Variants in STMND1 observed in about 807,000 individuals in gnomAD.
The protein encoded by STMND1 is stathmin domain containing 1.
A neutral mutation model predicts 23.0 loss-of-function variants in STMND1; 17 were observed. The observed-to-expected ratio is 0.74, with a 90% CI of 0.51 to 1.11. STMND1 has a LOEUF of 1.11. Among genes scored for constraint, STMND1 ranks in the 50% least tolerant of loss-of-function variants. STMND1 has a pLI of 0.00. For synonymous variants in STMND1, 114 were observed against 119.9 expected, an observed-to-expected ratio of 0.95 and a Z score of 0.32; for missense variants, 305 against 329.1, an observed-to-expected ratio of 0.93 and a Z score of 0.57.
At chr6:17,129,080 G>T (rs761371060) in intron 3 of STMND1, 32 bp from the exon 4 acceptor site, 2 of 1,530,836 alleles carry the variant, frequency 1.3e-6, no homozygotes, top group Non-Finnish European at 1.7e-6. Flanking sequence ...GAATATGATT[G>T]TTTCTTCATG....
At chr6:17,107,505 T>C (rs1261301987) in intron 1 of STMND1, among the ~76,000 whole-genome samples, 4 of 152,156 alleles carry the variant, frequency 2.6e-5, no homozygotes, top group Non-Finnish European at 5.9e-5. Flanking sequence ...AAATAGAACA[T>C]TCTACTCACC....
chr6:17,117,530 T>G (rs1761176593), intron 2 of STMND1, among the ~76,000 whole-genome samples: 1 of 152,202 alleles, frequency 6.6e-6, no homozygotes, highest in South Asian at 2.1e-4. Flanking sequence ...TTAGTCTTCT[T>G]TAATCTGAAC....
chr6:17,105,218 T>G (rs1489166197), intron 1 of STMND1, among the ~76,000 whole-genome samples: 1 of 152,232 alleles, frequency 6.6e-6, no homozygotes, highest in African/African-American at 2.4e-5. Context: ...AATCCCCCAC[T>G]AATGCTGGCG....
At chr6:17,115,944 AG>A (rs1192015775) in intron 2 of STMND1, among the ~76,000 whole-genome samples, 1 of 152,236 alleles carries the variant, frequency 6.6e-6, no homozygotes, top group Non-Finnish European at 1.5e-5. Context: ...CCCTTGCTGT[AG>A]TCAGCGTGAC....
intron 4 of STMND1, 41 bp downstream of exon 4, chr6:17,129,284 G>T (rs978658410): frequency 6.5e-7 from 1 of 1,526,762 alleles, no homozygotes; most frequent in Non-Finnish European, 8.8e-7. Context: ...GGAGTTCGCT[G>T]TCTGTTAAAA....
chr6:17,110,999 C>T (rs1307547533), intron 1 of STMND1: 5 of 349,310 alleles, frequency 1.4e-5, no homozygotes, highest in Non-Finnish European at 2.3e-5. Context: ...AGGGGAGATA[C>T]GATAAAAGTT....
chr6:17,102,441 C>T, intron 1 of STMND1, 103 bp downstream of exon 1: 1 of 1,405,130 alleles, frequency 7.1e-7, no homozygotes, highest in African/African-American at 1.4e-5. Flanking sequence ...TTGGCTGGAG[C>T]AGGGTCGGTC....
chr6:17,113,077 G>C (rs1238393203), intron 1 of STMND1, among the ~76,000 whole-genome samples: 1 of 152,148 alleles, frequency 6.6e-6, no homozygotes, highest in Non-Finnish European at 1.5e-5. Context: ...TATTTTTAAA[G>C]GTTATGTGAG....
chr6:17,107,589 C>T (rs1442675616), intron 1 of STMND1, among the ~76,000 whole-genome samples: 2 of 152,086 alleles, frequency 1.3e-5, no homozygotes, highest in Non-Finnish European at 2.9e-5. Context: ...TTCCTTCTTT[C>T]TTCTTTCCTC....
At chr6:17,105,091 T>C (rs1761004483) in intron 1 of STMND1, among the ~76,000 whole-genome samples, 1 of 152,252 alleles carries the variant, frequency 6.6e-6, no homozygotes, top group Non-Finnish European at 1.5e-5. Context: ...ATGAATAATC[T>C]ACAGATGTTT....
At position 17,115,144 on chromosome 6, in the gene STMND1, C is replaced by T. The variant is rs939871775; in HGVS notation, c.259+5C>T. 3.3e-6 allele frequency: 5 copies of T among 1,532,530 alleles called. No individual in the cohort carries two copies. In the African/African-American group the frequency reaches 4.1e-5, roughly 13 times the overall value. The allele number at this position is 1,532,530 out of a possible 1,614,324, so 94.9% of individuals were successfully genotyped here. On this transcript the variant is annotated splice_donor_5th_base_variant and intron_variant, in intron 2 of 4. Transcript: ENST00000536551. The stretch of plus-strand genomic sequence containing the variant: ...GAAACAGACGAGTAAATTCAGGTAA[C>T]CTCCCTCTGCCCCCATTCACGTAGA...
rs1005101193 is a variant in STMND1 at position 17,102,207 on chromosome 6, G to C, written c.-51G>C. 8 of 1,485,026 alleles carry C rather than the reference G, an allele frequency of 5.4e-6. No homozygotes were observed. Among genetic ancestry groups the C allele is most frequent in the Non-Finnish European group, 7.1e-6 (8 of 1,125,664 alleles). 92.0% of individuals were successfully genotyped at this position (1,485,026 alleles called of 1,614,324 possible). A position where few individuals can be genotyped will look rare whatever the true frequency, so the allele number is the denominator to read the frequency against. The stretch of plus-strand genomic sequence containing the variant: ...CGCCGGAGCGCGGCAGGGAGCGCTC[G>C]CGGGGGCGCACAGCAGCCAAGCCCG... On this transcript the variant is annotated 5_prime_UTR_variant, in exon 1 of 5. Coordinates refer to ENST00000536551, the MANE Select transcript of STMND1 (RefSeq NM_001190766.2).
At chr6:17,117,365 G>A (rs181619482) in intron 2 of STMND1, among the ~76,000 whole-genome samples, 55 of 152,138 alleles carry the variant, frequency 3.6e-4, no homozygotes, top group Non-Finnish European at 6.5e-4. Flanking sequence ...CACCATGCCC[G>A]GCCAGGAAAT....
chr6:17,107,739 A>G (rs1431763420), intron 1 of STMND1, among the ~76,000 whole-genome samples: 1 of 152,144 alleles, frequency 6.6e-6, no homozygotes, highest in Non-Finnish European at 1.5e-5. Flanking sequence ...TGGGAATACA[A>G]GTATGAGCCA....
In STMND1 at chr6:17,120,839, C is replaced by A. The variant is rs145015460; in HGVS notation, c.411+81C>A. On this transcript the variant is annotated intron_variant, in intron 3 of 4. Coordinates refer to ENST00000536551, the MANE Select transcript of STMND1 (RefSeq NM_001190766.2). ...ATTGATCATGAGTCATTATTTCCAG[C>A]ATATGCAAGTTACAATACAGATAAC... 383 of 1,163,232 alleles carry A rather than the reference C, an allele frequency of 3.3e-4. 1 individual carries two copies. In the Middle Eastern group the frequency reaches 3.5e-3, roughly 10 times the overall value. 72.1% of individuals were successfully genotyped at this position (1,163,232 alleles called of 1,614,324 possible).
chr6:17,113,248 G>T (rs1230132632), intron 1 of STMND1, among the ~76,000 whole-genome samples: 1 of 152,206 alleles, frequency 6.6e-6, no homozygotes, highest in African/African-American at 2.4e-5. Context: ...TAGGTAAATT[G>T]TAAGGAATTG....
At chr6:17,105,207 C>A (rs531384701) in intron 1 of STMND1, among the ~76,000 whole-genome samples, 1 of 152,318 alleles carries the variant, frequency 6.6e-6, no homozygotes, top group African/African-American at 2.4e-5. Flanking sequence ...GTCCTGGAAC[C>A]AATCCCCCAC....
rs925629909 is a variant in STMND1 at position 17,129,294 on chromosome 6, A to G, written c.543+51A>G. 2.6e-6 allele frequency: 4 copies of G among 1,520,430 alleles called. No homozygotes were observed. The Admixed American group carries it at 6.1e-5, about 23-fold the overall frequency. The allele number at this position is 1,520,430 out of a possible 1,614,324, so 94.2% of individuals were successfully genotyped here. A position where few individuals can be genotyped will look rare whatever the true frequency, so the allele number is the denominator to read the frequency against. On this transcript the variant is annotated intron_variant, in intron 4 of 4. Coordinates refer to ENST00000536551, the MANE Select transcript of STMND1 (RefSeq NM_001190766.2). ...CTTGAGGAGTTCGCTGTCTGTTAAA[A>G]TGATCTCACCCCAGAGCTTTCCTAT...
chr6:17,127,753 TA>T (rs1008234767), intron 3 of STMND1, among the ~76,000 whole-genome samples: 5 of 152,126 alleles, frequency 3.3e-5, no homozygotes, highest in African/African-American at 1.2e-4. Flanking sequence ...CCTTTGTCTT[TA>T]AAAAAAGTCT....
Sources: allele counts gnomAD v4.1 joint callset (sites outside exome capture counted in the v4.1 genomes callset), GRCh38; gene constraint gnomAD v4.1.1; transcripts MANE v1.5; gene names NCBI Gene and HGNC (gene_info 2026-07-23, HGNC 2026-07-21).